Variants in CCDC171 observed in about 807,000 individuals in gnomAD.
CCDC171 encodes the protein coiled-coil domain containing 171.
CCDC171 carries 177 observed loss-of-function variants against 168.2 expected under a neutral mutation model. That is an observed-to-expected ratio of 1.05 (90% confidence interval 0.93 to 1.19). The LOEUF (loss-of-function observed/expected upper bound fraction) is 1.19. Ranked by LOEUF, CCDC171 falls within the 50% of genes most tolerant of loss-of-function variation. The probability of loss-of-function intolerance (pLI) is 0.00; values close to 1 mark genes in which losing one functional copy is unlikely to be tolerated. For missense variants in CCDC171, 1,991 were observed against 1,539.0 expected (o/e 1.29, Z -4.91); for synonymous variants, 687 against 540.8 (o/e 1.27, Z -3.75).
chr9:15,894,674 G>A (rs1169476), intron 24 of CCDC171, among the ~76,000 whole-genome samples: 126,946 of 151,890 alleles, frequency 0.84, 53,248 homozygotes, highest in East Asian at 0.96. Flanking sequence ...CCATTTTAGA[G>A]GCTTTGTGCT....
chr9:15,633,933 G>A (rs200037486), intron 7 of CCDC171, among the ~76,000 whole-genome samples: 6 of 150,488 alleles, frequency 4.0e-5, no homozygotes, highest in African/African-American at 1.2e-4. Flanking sequence ...AACAACAAAC[G>A]AAACACCGCA....
At chr9:15,751,506 G>C (rs2055742166) in intron 18 of CCDC171, among the ~76,000 whole-genome samples, 1 of 151,972 alleles carries the variant, frequency 6.6e-6, no homozygotes, top group Admixed American at 6.6e-5. Flanking sequence ...GAGGTGTCAG[G>C]CTGCCTGACT....
chr9:16,024,111 G>A (rs1401432539), intron 6 of CCDC171, among the ~76,000 whole-genome samples: 2 of 152,098 alleles, frequency 1.3e-5, no homozygotes, highest in Non-Finnish European at 2.9e-5. Flanking sequence ...AAGAGGCAAG[G>A]AAATAGAGTC....
intron 6 of CCDC171, among the ~76,000 whole-genome samples, chr9:16,023,880 G>A (rs1833223609): frequency 8.0e-6 from 1 of 125,232 alleles, no homozygotes; most frequent in Non-Finnish European, 1.6e-5. Flanking sequence ...CTGGATCCAT[G>A]TTACCTTACA....
chr9:15,628,517 G>T (rs4740618), intron 7 of CCDC171, among the ~76,000 whole-genome samples: 1 of 152,030 alleles, frequency 6.6e-6, no homozygotes, highest in African/African-American at 2.4e-5. Context: ...GGTAAACAAA[G>T]CAGCTGGGAA....
At position 15,830,248 on chromosome 9, in the gene CCDC171, G is replaced by T. The variant is rs182410767; in HGVS notation, c.3268-16454G>T. On this transcript the variant is annotated intron_variant, in intron 21 of 25. Coordinates refer to ENST00000380701, the MANE Select transcript of CCDC171 (RefSeq NM_173550.4). ...GTTTTTATGGTGGTGGAAACTTGTA[G>T]GAAGTAAGACATGAAAGACTCATCT... Among the ~76,000 whole-genome samples, 5 of 152,200 alleles carry T rather than the reference G, an allele frequency of 3.3e-5. No individual in the cohort carries two copies. The East Asian group carries it at 9.7e-4, about 29-fold the overall frequency.
chr9:15,871,611 T>A (rs956096856), intron 23 of CCDC171, among the ~76,000 whole-genome samples: 1 of 151,908 alleles, frequency 6.6e-6, no homozygotes, highest in Non-Finnish European at 1.5e-5. Context: ...TTCCAAATTA[T>A]CTCTCTTTTA....
At chr9:15,649,046 A>T (rs1372993991) in intron 7 of CCDC171, among the ~76,000 whole-genome samples, 1 of 152,208 alleles carries the variant, frequency 6.6e-6, no homozygotes, top group Non-Finnish European at 1.5e-5. Context: ...GTACCAAAAC[A>T]GAGATATAGA....
At chr9:15,802,710 A>G (rs535678999) in intron 21 of CCDC171, among the ~76,000 whole-genome samples, 6 of 152,248 alleles carry the variant, frequency 3.9e-5, no homozygotes, top group African/African-American at 7.2e-5. Flanking sequence ...TAGTGCTGCA[A>G]TGAACATATG....
chr9:15,725,759 T>A (rs1420460664), intron 14 of CCDC171, among the ~76,000 whole-genome samples: 1 of 152,196 alleles, frequency 6.6e-6, no homozygotes, highest in South Asian at 2.1e-4. Flanking sequence ...CTAGTTTCCT[T>A]ATTTGTAAAA....
chr9:15,600,560 C>A (rs2042761336), intron 6 of CCDC171, among the ~76,000 whole-genome samples: 1 of 152,150 alleles, frequency 6.6e-6, no homozygotes, highest in African/African-American at 2.4e-5. Context: ...AGGGGTGCCT[C>A]CCAGTTAGGC....
intron 9 of CCDC171, among the ~76,000 whole-genome samples, chr9:15,672,891 G>A (rs1012954348): frequency 6.6e-5 from 10 of 152,190 alleles, no homozygotes; most frequent in Admixed American, 3.9e-4. Flanking sequence ...GTTCTGTGAA[G>A]AAAGTCATTG....
intron 21 of CCDC171, among the ~76,000 whole-genome samples, chr9:15,790,656 C>G (rs572777635): frequency 6.6e-6 from 1 of 152,180 alleles, no homozygotes; most frequent in Non-Finnish European, 1.5e-5. Flanking sequence ...GTGTTTTAGA[C>G]ATGAAGTCCT....
chr9:15,737,082 T>C (rs953854447), intron 16 of CCDC171, among the ~76,000 whole-genome samples: 1 of 152,126 alleles, frequency 6.6e-6, no homozygotes, highest in Non-Finnish European at 1.5e-5. Flanking sequence ...TCGGATTTTT[T>C]TTTTCTGAGA....
chr9:15,664,302 G>A (rs947665176), intron 8 of CCDC171, among the ~76,000 whole-genome samples: 6 of 152,142 alleles, frequency 3.9e-5, no homozygotes, highest in African/African-American at 1.4e-4. Flanking sequence ...AGGCTGGGGT[G>A]CAGTGGTGCG....
chr9:15,565,391 C>T (rs1437493151), intron 2 of CCDC171, among the ~76,000 whole-genome samples: 2 of 151,928 alleles, frequency 1.3e-5, no homozygotes, highest in East Asian at 1.9e-4. Flanking sequence ...GTTATGTTGC[C>T]CAGGCTGTCT....
the CCDC171 span, among the ~76,000 whole-genome samples, chr9:16,084,375 T>G: frequency 6.6e-6 from 1 of 152,124 alleles, no homozygotes; most frequent in African/African-American, 2.4e-5. Context: ...TTTCTTGTGT[T>G]CCTCTCTCTA....
intron 11 of CCDC171, among the ~76,000 whole-genome samples, chr9:15,718,826 C>T (rs187194971): frequency 3.9e-5 from 6 of 152,286 alleles, no homozygotes; most frequent in Non-Finnish European, 7.4e-5. Flanking sequence ...CACCTAAAGA[C>T]GTTTAAATAC....
intron 6 of CCDC171, among the ~76,000 whole-genome samples, chr9:15,617,977 A>AG (rs1172395715): frequency 6.6e-6 from 1 of 152,054 alleles, no homozygotes; most frequent in African/African-American, 2.4e-5. Flanking sequence ...GTCAGGAGGC[A>AG]GGGGGGTCAG....
Sources: allele counts gnomAD v4.1 joint callset (sites outside exome capture counted in the v4.1 genomes callset), GRCh38; gene constraint gnomAD v4.1.1; transcripts MANE v1.5; gene names NCBI Gene and HGNC (gene_info 2026-07-23, HGNC 2026-07-21).